Variants in PLXNA2 observed in about 807,000 individuals in gnomAD.
PLXNA2 encodes the protein plexin-A2.
PLXNA2 carries 91 observed loss-of-function variants against 193.5 expected under a neutral mutation model. The observed-to-expected ratio is 0.47, with a 90% CI of 0.40 to 0.56. The LOEUF is 0.56. Among genes scored for constraint, PLXNA2 ranks in the 20% least tolerant of loss-of-function variants. PLXNA2 has a pLI of 0.00. For missense variants in PLXNA2, 1,995 were observed against 2,503.2 expected, an observed-to-expected ratio of 0.80 and a Z score of 4.33; for synonymous variants, 997 against 1,027.3, an observed-to-expected ratio of 0.97 and a Z score of 0.56.
intron 16 of PLXNA2, 72 bp from the exon 17 acceptor site, chr1:208,051,174 G>A: frequency 6.3e-7 from 1 of 1,592,112 alleles, no homozygotes; most frequent in Non-Finnish European, 8.6e-7. Flanking sequence ...CCACCTTAGG[G>A]ATCCCTCTCA....
chr1:208,084,677 A>G (rs1571898542), intron 9 of PLXNA2, 97 bp from the exon 10 acceptor site: 1 of 1,161,908 alleles, frequency 8.6e-7, no homozygotes, highest in African/African-American at 1.5e-5. Flanking sequence ...TGAGCTGCCC[A>G]AGAGCAGGAT....
rs559044507 is a variant in PLXNA2 at position 208,063,853 on chromosome 1, C to T, written c.2587-3016G>A. Among the ~76,000 whole-genome samples, 31 of 152,352 alleles carry T rather than the reference C, an allele frequency of 2.0e-4. No individual in the cohort carries two copies. In the South Asian group the frequency reaches 6.4e-3, roughly 32 times the overall value. ...AAGTGGATTCCCAACGCCTCCATTA[C>T]TGATGACTTCCAAATCCATAAGGTT... On this transcript the variant is annotated intron_variant, in intron 12 of 31. Coordinates refer to ENST00000367033, the MANE Select transcript of PLXNA2 (RefSeq NM_025179.4).
intron 14 of PLXNA2, among the ~76,000 whole-genome samples, chr1:208,053,734 T>C (rs1373248107): frequency 6.6e-6 from 1 of 152,240 alleles, no homozygotes; most frequent in Non-Finnish European, 1.5e-5. Flanking sequence ...AGTATGAATA[T>C]AGCCCTGGGT....
rs1665595505 is a variant in PLXNA2, at chr1:208,060,818, G to A, written c.2606C>T (p.Pro869Leu). 6.2e-7 allele frequency: 1 copy of A among 1,613,994 alleles called. No homozygotes were observed. The highest frequency in any genetic ancestry group is 1.7e-5 in the Admixed American group (1 of 60,002). The part of the protein sequence containing the change: ...QITEILTVSG[P>L]PEGGTRVTIH... ...GGTCACTCGCGTCCCTCCTTCCGGC[G>A]GTCCAGACACCGTCAAAATCTGCAG... Residue 869 changes from proline to leucine, a missense_variant, in exon 13 of 32, where the codon CCG (proline) becomes CTG (leucine). Physicochemically the swap from Pro to Leu is moderately conservative, Grantham distance 98. Around this residue, in one of 3 missense-constraint regions of PLXNA2, gnomAD observed 1,291 missense variants for 1,673.6 expected, o/e 0.77. Coordinates refer to ENST00000367033, the MANE Select transcript of PLXNA2 (RefSeq NM_025179.4).
chr1:208,154,614 C>T (rs1050140644), intron 3 of PLXNA2, among the ~76,000 whole-genome samples: 4 of 152,240 alleles, frequency 2.6e-5, no homozygotes, highest in African/African-American at 9.6e-5. Flanking sequence ...CAAGTCAGAT[C>T]ACAGCAAGAG....
chr1:208,042,406 A>T, intron 21 of PLXNA2, 40 bp from the exon 22 acceptor site: 1 of 1,593,854 alleles, frequency 6.3e-7, no homozygotes, highest in Non-Finnish European at 8.6e-7. Flanking sequence ...CTCAGAGGAC[A>T]GGCATCGGGC....
intron 4 of PLXNA2, among the ~76,000 whole-genome samples, chr1:208,123,469 T>C (rs12042643): frequency 0.075 from 11,373 of 152,206 alleles, 701 homozygotes; most frequent in East Asian, 0.33. Context: ...TTTTCGAGTG[T>C]GGGCCTTTTG....
At position 208,200,953 on chromosome 1, in the gene PLXNA2, A is replaced by G. The variant is rs970283991; in HGVS notation, c.1371+9327T>C. 2.0e-5 allele frequency among the ~76,000 whole-genome samples: 3 copies of G among 152,194 alleles called. No individual in the cohort carries two copies. The East Asian group carries it at 5.8e-4, about 29-fold the overall frequency. ...AAAATTATATGGGACTAATGAACTAATAGAATCAAAGAGAATTTGGGACTG... is the reference window on the plus strand; with the variant it reads ...AAAATTATATGGGACTAATGAACTAGTAGAATCAAAGAGAATTTGGGACTG... On this transcript the variant is annotated intron_variant, in intron 3 of 31. Coordinates refer to ENST00000367033, the MANE Select transcript of PLXNA2 (RefSeq NM_025179.4).
chr1:208,166,155 A>G (rs531299238), intron 3 of PLXNA2, among the ~76,000 whole-genome samples: 8 of 152,362 alleles, frequency 5.3e-5, no homozygotes, highest in African/African-American at 1.9e-4. Context: ...CAACCACAAT[A>G]GTGAGATTTT....
chr1:208,072,879 A>G (rs1666018461), intron 12 of PLXNA2, among the ~76,000 whole-genome samples: 1 of 152,162 alleles, frequency 6.6e-6, no homozygotes, highest in African/African-American at 2.4e-5. Context: ...GTAAGTTCCA[A>G]GAGGATTCTG....
chr1:208,183,896 T>A (rs1669920271), intron 3 of PLXNA2, among the ~76,000 whole-genome samples: 1 of 152,136 alleles, frequency 6.6e-6, no homozygotes, highest in Non-Finnish European at 1.5e-5. Flanking sequence ...TACCATCCAG[T>A]GTAATAGCCA....
intron 9 of PLXNA2, among the ~76,000 whole-genome samples, chr1:208,087,294 A>G (rs1165622690): frequency 6.6e-6 from 1 of 152,108 alleles, no homozygotes; most frequent in Non-Finnish European, 1.5e-5. Flanking sequence ...TATGTTATCT[A>G]TATGTAACAC....
chr1:208,139,064 A>T (rs1030590952), intron 4 of PLXNA2, among the ~76,000 whole-genome samples: 12 of 152,260 alleles, frequency 7.9e-5, no homozygotes, highest in African/African-American at 2.4e-4. Context: ...AAAAAATTTT[A>T]AAATTAAAAA....
At chr1:208,193,714 A>G (rs916401443) in intron 3 of PLXNA2, among the ~76,000 whole-genome samples, 4 of 152,166 alleles carry the variant, frequency 2.6e-5, no homozygotes, top group Non-Finnish European at 5.9e-5. Flanking sequence ...AGAAAAGGCA[A>G]ATTCATGCCC....
intron 29 of PLXNA2, chr1:208,030,295 G>A (rs563393394): frequency 3.2e-4 from 311 of 985,478 alleles, no homozygotes; most frequent in Non-Finnish European, 3.6e-4. Context: ...TCCACACCAC[G>A]ATGCCAGGGT....
At chr1:208,179,821 G>A (rs1669779464) in intron 3 of PLXNA2, among the ~76,000 whole-genome samples, 1 of 152,178 alleles carries the variant, frequency 6.6e-6, no homozygotes, top group African/African-American at 2.4e-5. Flanking sequence ...AGAATCTCAA[G>A]GAGAGAAAAG....
At chr1:208,177,598 T>A (rs1173891405) in intron 3 of PLXNA2, among the ~76,000 whole-genome samples, 1 of 152,260 alleles carries the variant, frequency 6.6e-6, no homozygotes, top group Non-Finnish European at 1.5e-5. Context: ...TTTTCCTTAG[T>A]GACCTCAAGG....
intron 3 of PLXNA2, among the ~76,000 whole-genome samples, chr1:208,190,605 T>C (rs888605323): frequency 6.6e-6 from 1 of 152,176 alleles, no homozygotes; most frequent in Admixed American, 6.5e-5. Context: ...CCATCCATTG[T>C]AGGATGTTTA....
At chr1:208,128,771 G>A (rs1420312274) in intron 4 of PLXNA2, among the ~76,000 whole-genome samples, 1 of 142,392 alleles carries the variant, frequency 7.0e-6, no homozygotes, top group Non-Finnish European at 1.5e-5. Flanking sequence ...GAGCGATCTC[G>A]GCTCCCTGCA....
Sources: gnomAD v4.1 joint callset for allele counts (sites outside exome capture counted in the v4.1 genomes callset) on GRCh38, gnomAD v4.1.1 for gene constraint, gnomAD v4.1.1 regional missense constraint, MANE v1.5 for transcripts, NCBI Gene and HGNC (gene_info 2026-07-23, HGNC 2026-07-21) for gene names.